BSDC1: variants seen among roughly 807,000 people sequenced by gnomAD.
BSDC1 encodes BSD domain-containing protein 1.
Under a neutral mutation model 56.0 loss-of-function variants are expected in BSDC1, and 29 were observed. That is an observed-to-expected ratio of 0.52 (90% CI 0.39 to 0.71). BSDC1 has a LOEUF of 0.71. BSDC1 is among the 30% of genes least tolerant of loss of function. BSDC1 has a pLI of 0.00. For synonymous variants in BSDC1, 210 were observed against 215.3 expected (o/e 0.98, Z 0.21); for missense variants, 477 against 548.5 (o/e 0.87, Z 1.30).
Position 32,389,104 on chromosome 1 carries a change from G to A in BSDC1, c.73-2209C>T, listed in dbSNP as rs186551352. Among the ~76,000 whole-genome samples, 13 of 152,018 alleles carry A rather than the reference G, an allele frequency of 8.6e-5. No individual in the cohort carries two copies. In the East Asian group the frequency reaches 9.7e-4, roughly 11 times the overall value. On this transcript the variant is annotated intron_variant, in intron 2 of 10. Transcript: ENST00000455895. ...CGAGTAGCTGGGACTACAGGCGCCC[G>A]CCACCAAGCCCAGCTAATTTTTTGT...
At chr1:32,377,917 A>C in intron 8 of BSDC1, 53 bp downstream of exon 8, 5 of 1,546,584 alleles carry the variant, frequency 3.2e-6, no homozygotes, top group Non-Finnish European at 4.4e-6. Flanking sequence ...GGCCCAGCCC[A>C]GAGCGTCCCG....
At chr1:32,366,789 A>G (rs1570090888) in intron 10 of BSDC1, 135 bp from the exon 11 acceptor site, 1 of 1,419,390 alleles carries the variant, frequency 7.0e-7, no homozygotes, top group Non-Finnish European at 9.2e-7. Context: ...TCCCACTGAG[A>G]GTGAACCCCT....
Position 32,376,313 on chromosome 1 carries a change from C to G in BSDC1, c.1105G>C (p.Glu369Gln). 6.3e-7 allele frequency: 1 copy of G among 1,588,090 alleles called. No individual in the cohort carries two copies. Among genetic ancestry groups the G allele is most frequent in the Non-Finnish European group, 8.6e-7 (1 of 1,162,464 alleles). The change falls in exon 9 of 11, where the codon GAG becomes CAG. Residue 369 changes from glutamate (E) to glutamine (Q), a missense_variant. Physicochemically the swap from Glu to Gln is conservative, Grantham distance 29. Transcript: ENST00000455895. ...EEAPTDLRVF[E>Q]LNSDSGKSTP... ...GACTTCCCACTATCCGAGTTCAGCT[C>G]AAACACCCGTAAGTCTGTGGGCGCC... is the stretch of plus-strand genomic sequence containing the variant.
At chr1:32,375,836 G>T (rs1175746495) in intron 9 of BSDC1, among the ~76,000 whole-genome samples, 1 of 152,228 alleles carries the variant, frequency 6.6e-6, no homozygotes, top group Non-Finnish European at 1.5e-5. Flanking sequence ...AATTGGCACA[G>T]TGTGCTAGTT....
intron 2 of BSDC1, among the ~76,000 whole-genome samples, chr1:32,391,464 G>A (rs1642863915): frequency 6.6e-6 from 1 of 152,212 alleles, no homozygotes; most frequent in Non-Finnish European, 1.5e-5. Context: ...GAAGCAAATT[G>A]GAGACTGAAG....
At chr1:32,386,592 CT>C (rs1642679733) in intron 3 of BSDC1, 186 bp downstream of exon 3, 1 of 497,556 alleles carries the variant, frequency 2.0e-6, no homozygotes, top group Non-Finnish European at 3.5e-6. Flanking sequence ...AGTGGGAAAA[CT>C]AATTATTACT....
In BSDC1 at chr1:32,366,444, C is replaced by G. The variant is rs1641852809; in HGVS notation, c.*178G>C. On this transcript the variant is annotated 3_prime_UTR_variant, in exon 11 of 11. Transcript: ENST00000455895. ...TTTCTGGCCGGGATTTAGAGAGCCC[C>G]TTCCCAGGTGTGAGCAGAGGCCCAA... The G allele has an allele frequency of 1.4e-6, 1 of 728,298 alleles. No homozygotes were observed. The highest frequency in any genetic ancestry group is 2.5e-6 in the Non-Finnish European group (1 of 401,184). The allele number at this position is 728,298 out of a possible 1,614,324, so 45.1% of individuals were successfully genotyped here.
At chr1:32,374,250 TA>T (rs1642198049) in intron 9 of BSDC1, among the ~76,000 whole-genome samples, 1 of 152,248 alleles carries the variant, frequency 6.6e-6, no homozygotes, top group African/African-American at 2.4e-5. Context: ...ATGTTACCTC[TA>T]TTTTCATTTC....
At chr1:32,388,188 A>C (rs1328209411) in intron 2 of BSDC1, among the ~76,000 whole-genome samples, 2 of 151,876 alleles carry the variant, frequency 1.3e-5, no homozygotes, top group African/African-American at 4.8e-5. Context: ...CATGTTTTTG[A>C]GCGCTCCTGT....
At chr1:32,368,997 C>T (rs1294816009) in intron 9 of BSDC1, among the ~76,000 whole-genome samples, 2 of 152,186 alleles carry the variant, frequency 1.3e-5, no homozygotes, top group Non-Finnish European at 2.9e-5. Context: ...CCGCACCTGG[C>T]CCCCACTTTT....
Position 32,376,530 on chromosome 1 carries a change from A to G in BSDC1, c.888T>C (p.Pro296=). ...VTQIANPATA[P]EARVLPKDLS... is the part of the protein sequence containing the mutation. ...GGTCCTTGGGTAGCACTCGTGCCTC[A>G]GGTGCAGTGGCCGGGTTGGCGATCT... Residue 296 remains proline (P), a synonymous_variant, in exon 9 of 11, where the codon CCT becomes CCC. Transcript: ENST00000455895. 6.3e-7 allele frequency: 1 copy of G among 1,576,406 alleles called. No homozygotes were observed. Among genetic ancestry groups the G allele is most frequent in the Non-Finnish European group, 8.7e-7 (1 of 1,155,010 alleles).
chr1:32,367,582 C>T, intron 10 of BSDC1: 2 of 985,452 alleles, frequency 2.0e-6, no homozygotes, highest in Non-Finnish European at 2.4e-6. Context: ...GGAACTAACG[C>T]TGACATGAAT....
rs1553162457 is a variant in BSDC1, at chr1:32,368,700, C to CTTTG, written c.1157-151_1157-150insCAAA. ...TGTTCACTCTGGCGCACCAATCGTA[C>CTTTG]TTTTTTTTTTTGTTTTCTTAGATGG... On this transcript the variant is annotated intron_variant, in intron 9 of 10. Coordinates refer to ENST00000455895, the MANE Select transcript of BSDC1 (RefSeq NM_018045.8). The CTTTG allele has an allele frequency of 0.019, 18,397 of 960,366 alleles. 1,828 individuals are homozygous for CTTTG. In the African/African-American group the frequency reaches 0.27, roughly 14 times the overall value. The allele number at this position is 960,366 out of a possible 1,614,324, so 59.5% of individuals were successfully genotyped here.
At chr1:32,375,439 G>T (rs1642246858) in intron 9 of BSDC1, among the ~76,000 whole-genome samples, 1 of 151,664 alleles carries the variant, frequency 6.6e-6, no homozygotes, top group South Asian at 2.1e-4. Flanking sequence ...GGACTGGAGG[G>T]GGGGTTCTTA....
rs1332150787 is a variant in BSDC1, at chr1:32,366,113, A to G, written c.*509T>C. 8.6e-5 allele frequency: 15 copies of G among 175,070 alleles called. No individual in the cohort carries two copies. Among genetic ancestry groups the G allele is most frequent in the South Asian group, 5.4e-4 (5 of 9,256 alleles). 10.8% of individuals were successfully genotyped at this position (175,070 alleles called of 1,614,324 possible). A position where few individuals can be genotyped will look rare whatever the true frequency, so the allele number is the denominator to read the frequency against. ...CAAGAGAGGCAAATTTCCCAGAGAT[A>G]AGTGCCTCTTACCCACTGGGATAGG... On this transcript the variant is annotated 3_prime_UTR_variant, in exon 11 of 11. Coordinates refer to ENST00000455895, the MANE Select transcript of BSDC1 (RefSeq NM_018045.8).
In BSDC1 at chr1:32,378,104, C is replaced by A. The variant is rs1317976933; in HGVS notation, c.598-56G>T. 4 of 1,597,906 alleles carry A rather than the reference C, an allele frequency of 2.5e-6. No homozygotes were observed. In the African/African-American group the frequency reaches 5.4e-5, roughly 21 times the overall value. ...AGTCAGGGCACCCTCTTCCTAGACC[C>A]TGGTCCTGATCCCACAACTCTTGGC... On this transcript the variant is annotated intron_variant, in intron 7 of 10. Transcript: ENST00000455895. The surrounding 1 kb of genome is among the most constrained non-coding windows in gnomAD (Gnocchi z 5.2).
At chr1:32,371,425 C>T (rs1350821759) in intron 9 of BSDC1, among the ~76,000 whole-genome samples, 1 of 151,574 alleles carries the variant, frequency 6.6e-6, no homozygotes, top group Non-Finnish European at 1.5e-5. Context: ...ATTCTCCTGC[C>T]TCAGCCTCCT....
intron 3 of BSDC1, among the ~76,000 whole-genome samples, chr1:32,385,340 G>A (rs551385287): frequency 6.6e-5 from 10 of 152,228 alleles, no homozygotes; most frequent in South Asian, 4.1e-4. Context: ...GGTACTAGTC[G>A]GTGATGGGTT....
intron 9 of BSDC1, chr1:32,369,382 C>T (rs1240537119): frequency 2.0e-6 from 2 of 1,006,532 alleles, no homozygotes; most frequent in African/African-American, 1.7e-5. Flanking sequence ...TAGTACACAC[C>T]TAAGGAGTCC....
Sources: allele counts gnomAD v4.1 joint callset (sites outside exome capture counted in the v4.1 genomes callset), GRCh38; gene constraint gnomAD v4.1.1; non-coding constraint Gnocchi (gnomAD v3.1); transcripts MANE v1.5; gene names NCBI Gene and HGNC (gene_info 2026-07-23, HGNC 2026-07-21).